NRP1: variants seen among roughly 807,000 people sequenced by gnomAD.
NRP1 encodes the protein neuropilin 1.
In NRP1, 35 loss-of-function variants were observed where a neutral mutation model predicts 106.7. That is an observed-to-expected ratio of 0.33 (90% confidence interval 0.25 to 0.43). NRP1 has a LOEUF of 0.43. Among genes scored for constraint, NRP1 ranks in the 20% least tolerant of loss-of-function variants. NRP1 has a pLI of 1.00. For synonymous variants in NRP1, 437 were observed against 417.9 expected (o/e 1.05, Z -0.56); for missense variants, 1,024 against 1,170.4 (o/e 0.87, Z 1.83).
intron 2 of NRP1, 84 bp from the exon 3 acceptor site, chr10:33,270,940 G>A: frequency 8.3e-7 from 1 of 1,206,794 alleles, no homozygotes; most frequent in Non-Finnish European, 1.1e-6. Flanking sequence ...GCATCATCCA[G>A]CATAGTGTGC....
chr10:33,267,786 G>A (rs1268394091), intron 3 of NRP1, among the ~76,000 whole-genome samples: 1 of 152,202 alleles, frequency 6.6e-6, no homozygotes, highest in Non-Finnish European at 1.5e-5. Context: ...GAAGAGACAT[G>A]TAGAAGGAAA....
intron 9 of NRP1, among the ~76,000 whole-genome samples, chr10:33,210,847 G>T (rs934672610): frequency 1.3e-5 from 2 of 152,138 alleles, no homozygotes; most frequent in African/African-American, 4.8e-5. Context: ...AATATAGCAT[G>T]TTTTTAAAAT....
chr10:33,198,712 C>T (rs1588703835), intron 11 of NRP1, among the ~76,000 whole-genome samples: 1 of 152,054 alleles, frequency 6.6e-6, no homozygotes, highest in East Asian at 1.9e-4. Flanking sequence ...GGCTAGTCCC[C>T]ACAATCTATT....
chr10:33,183,997 CCCTT>C (rs1044683213), intron 15 of NRP1, among the ~76,000 whole-genome samples: 10 of 150,788 alleles, frequency 6.6e-5, no homozygotes, highest in South Asian at 2.1e-4. Flanking sequence ...TTTCTTTTCT[CCCTT>C]CCTTCCTTCC....
In NRP1 at chr10:33,334,508, C is replaced by G. The variant is rs938295576; in HGVS notation, c.-126G>C. ...GCCTAGAGCTGTACAATCCTCAGCC[C>G]GTCTTGGAGAAAAGAAAGCAGCGAG... On this transcript the variant is annotated 5_prime_UTR_variant, in exon 1 of 17. Coordinates refer to ENST00000374867, the MANE Select transcript of NRP1 (RefSeq NM_003873.7). 1 of 774,192 alleles carries G rather than the reference C, an allele frequency of 1.3e-6. No homozygotes were observed. The highest frequency in any genetic ancestry group is 2.0e-6 in the Non-Finnish European group (1 of 493,576). The allele number at this position is 774,192 out of a possible 1,614,324, so 48.0% of individuals were successfully genotyped here. A position where few individuals can be genotyped will look rare whatever the true frequency, so the allele number is the denominator to read the frequency against.
At chr10:33,225,013 G>T (rs572209321) in intron 7 of NRP1, among the ~76,000 whole-genome samples, 2 of 152,168 alleles carry the variant, frequency 1.3e-5, no homozygotes, top group Admixed American at 1.3e-4. Context: ...ATGAAACTTG[G>T]GGTCAAAATT....
intron 2 of NRP1, among the ~76,000 whole-genome samples, chr10:33,305,460 T>C (rs916536004): frequency 6.6e-6 from 1 of 152,092 alleles, no homozygotes; most frequent in Non-Finnish European, 1.5e-5. Flanking sequence ...TGATTATGCA[T>C]TACCTGGAAA....
rs1240303141 is a variant in NRP1, at chr10:33,213,613, G to A, written c.1387C>T (p.Arg463Cys). ...GDRNWMPENI[R>C]LVTSRSGWAL... ...CAGCCAGAGCGACTGGTTACCAGGC[G>A]GATGTTTTCAGGCATCCAGTTTCTG... is the stretch of plus-strand genomic sequence containing the variant. Residue 463 changes from arginine to cysteine, a missense_variant, in exon 9 of 17, where the codon CGC (arginine) becomes TGC (cysteine). Physicochemically the swap from Arg to Cys is radical, Grantham distance 180. Transcript: ENST00000374867. 1.9e-6 allele frequency: 3 copies of A among 1,613,958 alleles called. No individual in the cohort carries two copies. Among genetic ancestry groups the A allele is most frequent in the Non-Finnish European group, 2.5e-6 (3 of 1,180,018 alleles).
rs112095651 is a variant in NRP1, at chr10:33,319,406, A to T, written c.248+11302T>A. ...TCTGTAGCTAGCTAGAGGTTTGTAA[A>T]ATGGACCAATGAACAGGACATGGGT... On this transcript the variant is annotated intron_variant, in intron 2 of 16. Coordinates refer to ENST00000374867, the MANE Select transcript of NRP1 (RefSeq NM_003873.7). Among the ~76,000 whole-genome samples, 756 of 152,134 alleles carry T rather than the reference A, an allele frequency of 5.0e-3. 1 individual carries two copies. The highest frequency in any genetic ancestry group is 8.4e-3 in the Non-Finnish European group (574 of 67,970).
intron 2 of NRP1, among the ~76,000 whole-genome samples, chr10:33,301,477 A>G (rs1190267107): frequency 6.6e-6 from 1 of 152,148 alleles, no homozygotes; most frequent in East Asian, 1.9e-4. Flanking sequence ...GTAGGAACAC[A>G]TTTTCTGCAA....
chr10:33,323,552 A>G (rs1847676210), intron 2 of NRP1, among the ~76,000 whole-genome samples: 1 of 152,090 alleles, frequency 6.6e-6, no homozygotes, highest in Admixed American at 6.6e-5. Flanking sequence ...ATAAGACACT[A>G]CTAACTGCCC....
chr10:33,290,387 G>C (rs184764231), intron 2 of NRP1, among the ~76,000 whole-genome samples: 7 of 149,092 alleles, frequency 4.7e-5, no homozygotes, highest in Non-Finnish European at 1.0e-4. Context: ...GGGCCACCAA[G>C]GCATGAGGGG....
At chr10:33,309,439 C>T (rs1457769627) in intron 2 of NRP1, among the ~76,000 whole-genome samples, 5 of 152,146 alleles carry the variant, frequency 3.3e-5, no homozygotes, top group Non-Finnish European at 5.9e-5. Context: ...AAGAAATGCG[C>T]GGTGTCTCTT....
At chr10:33,320,495 C>T (rs1357675388) in intron 2 of NRP1, among the ~76,000 whole-genome samples, 1 of 152,154 alleles carries the variant, frequency 6.6e-6, no homozygotes, top group African/African-American at 2.4e-5. Context: ...CAGGCACCCA[C>T]TCCAACACCC....
chr10:33,289,498 T>C (rs1363489153), intron 2 of NRP1, among the ~76,000 whole-genome samples: 1 of 152,178 alleles, frequency 6.6e-6, no homozygotes, highest in African/African-American at 2.4e-5. Context: ...AGAAATAAAA[T>C]GTTTAGATCT....
chr10:33,292,431 A>T (rs537519056), intron 2 of NRP1, among the ~76,000 whole-genome samples: 1 of 152,294 alleles, frequency 6.6e-6, no homozygotes, highest in Non-Finnish European at 1.5e-5. Context: ...AGTGGTTTTT[A>T]AAATCTTCAT....
intron 6 of NRP1, among the ~76,000 whole-genome samples, chr10:33,244,559 C>G (rs1395695929): frequency 1.3e-5 from 2 of 152,318 alleles, no homozygotes; most frequent in South Asian, 4.1e-4. Context: ...AAACCATCAA[C>G]TTTGCCTCCT....
intron 2 of NRP1, among the ~76,000 whole-genome samples, chr10:33,293,665 G>C (rs1845166282): frequency 6.6e-6 from 1 of 152,184 alleles, no homozygotes; most frequent in South Asian, 2.1e-4. Flanking sequence ...TCAGCAAAGA[G>C]GGGAGAGAAA....
At chr10:33,299,945 A>G (rs1297328999) in intron 2 of NRP1, among the ~76,000 whole-genome samples, 1 of 152,200 alleles carries the variant, frequency 6.6e-6, no homozygotes. Flanking sequence ...CTACTTCTCT[A>G]AAGAGACGGC....
Sources: gnomAD v4.1 joint callset for allele counts (sites outside exome capture counted in the v4.1 genomes callset) on GRCh38, gnomAD v4.1.1 for gene constraint, MANE v1.5 for transcripts, NCBI Gene and HGNC (gene_info 2026-07-23, HGNC 2026-07-21) for gene names.